Variants in HERC2 observed in about 807,000 individuals in gnomAD.
The protein encoded by HERC2 is E3 ubiquitin-protein ligase HERC2.
A neutral mutation model predicts 537.7 loss-of-function variants in HERC2; 102 were observed. The observed-to-expected ratio is 0.19, with a 90% CI of 0.16 to 0.22. HERC2 has a LOEUF of 0.22. Ranked by LOEUF, HERC2 falls within the 10% of genes least tolerant of loss-of-function variation. The pLI, the probability that HERC2 is intolerant of heterozygous loss-of-function variation, is 1.00. For synonymous variants in HERC2, 2,224 were observed against 2,466.2 expected, an observed-to-expected ratio of 0.90 and a Z score of 2.91; for missense variants, 4,236 against 6,198.2, an observed-to-expected ratio of 0.68 and a Z score of 10.63.
At chr15:28,148,797 G>A (rs1892050664) in intron 70 of HERC2, among the ~76,000 whole-genome samples, 1 of 151,180 alleles carries the variant, frequency 6.6e-6, no homozygotes, top group African/African-American at 2.4e-5. Flanking sequence ...CACCGAGAAC[G>A]GCCACACGAA....
chr15:28,143,066 CT>C, intron 74 of HERC2, 114 bp from the exon 75 acceptor site: 2 of 827,554 alleles, frequency 2.4e-6, no homozygotes, highest in African/African-American at 1.8e-5. Context: ...TCTAAAAAAA[CT>C]AAAAAAAAAA....
At chr15:28,183,417 C>T (rs546004647) in intron 56 of HERC2, among the ~76,000 whole-genome samples, 11 of 152,210 alleles carry the variant, frequency 7.2e-5, no homozygotes, top group African/African-American at 2.6e-4. Flanking sequence ...CTCACTATAT[C>T]GTCAAGGCTG....
At chr15:28,242,870 C>G (rs983399721) in intron 23 of HERC2, among the ~76,000 whole-genome samples, 3 of 152,150 alleles carry the variant, frequency 2.0e-5, no homozygotes. Context: ...GTTAAAACTG[C>G]ATCACAAAGC....
At chr15:28,178,852 C>G (rs531311330) in intron 59 of HERC2, 35 bp downstream of exon 59, 1 of 1,588,004 alleles carries the variant, frequency 6.3e-7, no homozygotes, top group Admixed American at 1.7e-5. Context: ...GAGCAAAGGC[C>G]GCCCCGCACA....
chr15:28,142,187 C>T, intron 76 of HERC2, 51 bp downstream of exon 76: 1 of 1,579,634 alleles, frequency 6.3e-7, no homozygotes, highest in Non-Finnish European at 8.6e-7. Flanking sequence ...TACACTATAG[C>T]TAAATAATGT....
intron 2 of HERC2, among the ~76,000 whole-genome samples, chr15:28,300,156 T>A (rs1194945288): frequency 1.3e-5 from 2 of 151,088 alleles, no homozygotes; most frequent in East Asian, 3.9e-4. Flanking sequence ...TACCAATGAC[T>A]ACCTACGGGG....
intron 4 of HERC2, among the ~76,000 whole-genome samples, chr15:28,292,173 G>A (rs2141137842): frequency 7.4e-6 from 1 of 136,020 alleles, no homozygotes; most frequent in East Asian, 2.3e-4. Context: ...AGATTGCAAT[G>A]AGCCAAGATT....
At chr15:28,226,536 A>C (rs1405745775) in intron 35 of HERC2, among the ~76,000 whole-genome samples, 3 of 152,238 alleles carry the variant, frequency 2.0e-5, no homozygotes, top group Non-Finnish European at 2.9e-5. Flanking sequence ...GTGGTATTGA[A>C]ACAATCAGAT....
chr15:28,220,120 G>A (rs1384702599), intron 37 of HERC2, among the ~76,000 whole-genome samples: 5 of 152,172 alleles, frequency 3.3e-5, no homozygotes, highest in African/African-American at 4.8e-5. Context: ...CGGCTCACTC[G>A]CTCAGACACA....
intron 66 of HERC2, among the ~76,000 whole-genome samples, chr15:28,169,149 A>C (rs1457300692): frequency 1.3e-5 from 2 of 152,262 alleles, no homozygotes; most frequent in African/African-American, 4.8e-5. Context: ...TTCTCAAGTG[A>C]GCGAAGGGGA....
Position 28,238,630 on chromosome 15 carries a change from T to A in HERC2, c.3720A>T (p.Thr1240=). The change falls in exon 24 of 93, where the codon ACA becomes ACT. Residue 1240 remains threonine (T), a synonymous_variant. Coordinates refer to ENST00000261609, the MANE Select transcript of HERC2 (RefSeq NM_004667.6). ...GAATACTATTTCCTGTTAACGACTG[T>A]GTCTGGAAGTCCTTTATATCATACA... ...GKVYDIKDFQ[T]QSLTGNSILA... 1 of 1,611,624 alleles carries A rather than the reference T, an allele frequency of 6.2e-7. No individual in the cohort carries two copies. The highest frequency in any genetic ancestry group is 8.5e-7 in the Non-Finnish European group (1 of 1,179,540).
intron 2 of HERC2, among the ~76,000 whole-genome samples, chr15:28,311,791 G>A (rs1293937619): frequency 4.6e-5 from 7 of 152,122 alleles, no homozygotes; most frequent in East Asian, 1.9e-4. Flanking sequence ...CTCTAAGATC[G>A]CCCCAGACTG....
At chr15:28,128,768 T>C (rs1395931314) in intron 83 of HERC2, among the ~76,000 whole-genome samples, 1 of 152,126 alleles carries the variant, frequency 6.6e-6, no homozygotes, top group African/African-American at 2.4e-5. Context: ...TGGGTCTGTC[T>C]CCCTTCCCAG....
At chr15:28,130,954 C>A (rs1306613651) in intron 81 of HERC2, among the ~76,000 whole-genome samples, 1 of 152,128 alleles carries the variant, frequency 6.6e-6, no homozygotes, top group Non-Finnish European at 1.5e-5. Context: ...TCCTCACCTG[C>A]CCCAGCCCTC....
intron 23 of HERC2, among the ~76,000 whole-genome samples, chr15:28,242,820 T>C (rs1049125861): frequency 1.3e-5 from 2 of 152,150 alleles, no homozygotes; most frequent in African/African-American, 4.8e-5. Flanking sequence ...GATCAAGTAA[T>C]GCAGGAAAAG....
In HERC2 at chr15:28,258,195, C is replaced by T. The variant is rs190388120; in HGVS notation, c.2317-934G>A. Among the ~76,000 whole-genome samples, 76 of 152,086 alleles carry T rather than the reference C, an allele frequency of 5.0e-4. No individual in the cohort carries two copies. The East Asian group carries it at 0.01, about 21-fold the overall frequency. ...TTAATAATCCATGGGTCAGGCCGGG[C>T]GCAGTGGCTCACGCCTGTAATCCAA... On this transcript the variant is annotated intron_variant, in intron 16 of 92. Coordinates refer to ENST00000261609, the MANE Select transcript of HERC2 (RefSeq NM_004667.6).
At position 28,174,614 on chromosome 15, in the gene HERC2, C is replaced by T; in HGVS notation, c.9838G>A (p.Ala3280Thr). The change falls in exon 65 of 93, where the codon GCT (alanine) becomes ACT (threonine). Residue 3280 changes from alanine (A) to threonine (T), a missense_variant. Around this residue, in one of 27 missense-constraint regions of HERC2, gnomAD observed 93 missense variants for 265.1 expected, o/e 0.35. Transcript: ENST00000261609. ...TGGCCGTGGTCGTTGTCACCCCAAGCATACACCTGTTTACGAGGAGAAAAA... is the reference window on the plus strand; with the variant it reads ...TGGCCGTGGTCGTTGTCACCCCAAGTATACACCTGTTTACGAGGAGAAAAA... ...LAVTDSGQVYAWGDNDHGQQG... is the reference protein window; with the variant it reads ...LAVTDSGQVYTWGDNDHGQQG... 3.8e-6 allele frequency: 6 copies of T among 1,598,476 alleles called. No homozygotes were observed. In the South Asian group the frequency reaches 4.4e-5, roughly 12 times the overall value.
chr15:28,217,984 A>G (rs1336994994), intron 38 of HERC2, among the ~76,000 whole-genome samples: 2 of 152,052 alleles, frequency 1.3e-5, no homozygotes, highest in East Asian at 3.9e-4. Context: ...GTTTGAGGCC[A>G]GTGTTATGGG....
chr15:28,123,832 T>C (rs1016878666), intron 85 of HERC2, among the ~76,000 whole-genome samples: 5 of 152,340 alleles, frequency 3.3e-5, no homozygotes, highest in Admixed American at 3.3e-4. Context: ...GCTTTTAATA[T>C]AAACTCCAAA....
Sources: allele counts gnomAD v4.1 joint callset (sites outside exome capture counted in the v4.1 genomes callset), GRCh38; gene constraint gnomAD v4.1.1; regional missense constraint gnomAD v4.1.1; transcripts MANE v1.5; gene names NCBI Gene and HGNC (gene_info 2026-07-23, HGNC 2026-07-21).